Variants in SANBR observed in about 807,000 individuals in gnomAD.
The protein encoded by SANBR is SANT and BTB domain regulator of class switch recombination.
In SANBR, 77 loss-of-function variants were observed where a neutral mutation model predicts 101.8. That is an observed-to-expected ratio of 0.76 (90% CI 0.63 to 0.91). The LOEUF (loss-of-function observed/expected upper bound fraction) is 0.91, where lower values mean the gene tolerates loss of function less well. Ranked by LOEUF, SANBR falls within the 40% of genes least tolerant of loss-of-function variation. The pLI, the probability that SANBR is intolerant of heterozygous loss-of-function variation, is 0.00. For synonymous variants in SANBR, 279 were observed against 274.7 expected (o/e 1.02, Z -0.15); for missense variants, 875 against 853.0 (o/e 1.03, Z -0.32).
intron 8 of SANBR, among the ~76,000 whole-genome samples, chr2:61,086,530 G>A (rs1682439692): frequency 6.6e-6 from 1 of 152,122 alleles, no homozygotes; most frequent in Non-Finnish European, 1.5e-5. Flanking sequence ...AGGAGCCAGT[G>A]AAGTAGAAAG....
At chr2:61,077,576 C>T (rs1681860677) in intron 6 of SANBR, among the ~76,000 whole-genome samples, 1 of 149,054 alleles carries the variant, frequency 6.7e-6, no homozygotes, top group African/African-American at 2.5e-5. Flanking sequence ...TACATAGTTA[C>T]ATAGTTAATA....
At chr2:61,117,410 C>A (rs764300866) in intron 18 of SANBR, 25 bp downstream of exon 18, 1 of 1,612,822 alleles carries the variant, frequency 6.2e-7, no homozygotes, top group Admixed American at 1.7e-5. Flanking sequence ...TTAATCCAAT[C>A]GGATATCCAC....
intron 6 of SANBR, among the ~76,000 whole-genome samples, chr2:61,078,349 A>G (rs1457943932): frequency 6.6e-6 from 1 of 152,190 alleles, no homozygotes; most frequent in Non-Finnish European, 1.5e-5. Flanking sequence ...GCAGAAACAG[A>G]TATGGGAATC....
chr2:61,116,096 A>G (rs1468995632), intron 17 of SANBR, 26 bp downstream of exon 17: 1 of 1,469,988 alleles, frequency 6.8e-7, no homozygotes, highest in Non-Finnish European at 9.4e-7. Context: ...CTGTTGTTAA[A>G]GTTCATATGG....
intron 8 of SANBR, among the ~76,000 whole-genome samples, chr2:61,085,472 ATTTC>A (rs891079017): frequency 2.6e-5 from 4 of 151,026 alleles, no homozygotes; most frequent in Admixed American, 1.3e-4. Context: ...TGTTCTGTTG[ATTTC>A]TTTGTCTATC....
chr2:61,073,044 G>C (rs1030491649), intron 4 of SANBR, among the ~76,000 whole-genome samples: 1 of 151,636 alleles, frequency 6.6e-6, no homozygotes, highest in African/African-American at 2.4e-5. Flanking sequence ...ACAGTAGTGG[G>C]GTAAAAGATG....
intron 13 of SANBR, among the ~76,000 whole-genome samples, chr2:61,105,844 TG>T (rs2104936356): frequency 6.6e-6 from 1 of 151,814 alleles, no homozygotes; most frequent in East Asian, 2.0e-4. Context: ...GCTAATTTTT[TG>T]TATTTTAGTA....
chr2:61,113,968 A>G (rs1006616206), intron 16 of SANBR, among the ~76,000 whole-genome samples: 2 of 152,150 alleles, frequency 1.3e-5, no homozygotes, highest in South Asian at 4.1e-4. Flanking sequence ...ATTTTATCAC[A>G]TGCTTTTTCT....
intron 3 of SANBR, among the ~76,000 whole-genome samples, 176 bp from the exon 4 acceptor site, chr2:61,071,430 A>G (rs531760153): frequency 4.3e-4 from 66 of 151,986 alleles, no homozygotes; most frequent in South Asian, 2.3e-3. Flanking sequence ...GGCACCTGTA[A>G]TCCCAGCTAC....
chr2:61,129,571 GA>G (rs1222591055), intron 20 of SANBR, among the ~76,000 whole-genome samples: 1 of 152,040 alleles, frequency 6.6e-6, no homozygotes, highest in Admixed American at 6.6e-5. Flanking sequence ...AAAAGCAATT[GA>G]ATATGTATAT....
chr2:61,101,910 C>T (rs1159776929), intron 12 of SANBR, among the ~76,000 whole-genome samples: 1 of 151,548 alleles, frequency 6.6e-6, no homozygotes, highest in Non-Finnish European at 1.5e-5. Context: ...TGGTGGTGGG[C>T]GCCTGTAATC....
At chr2:61,112,879 T>G (rs960363907) in intron 16 of SANBR, among the ~76,000 whole-genome samples, 2 of 152,246 alleles carry the variant, frequency 1.3e-5, no homozygotes, top group African/African-American at 2.4e-5. Context: ...TATGTTCCAT[T>G]ATTTAATAGC....
intron 10 of SANBR, chr2:61,088,899 T>G (rs778394228): frequency 5.5e-6 from 5 of 907,030 alleles, no homozygotes; most frequent in Non-Finnish European, 6.6e-6. Context: ...ACATCTTTTC[T>G]GCATGTTATC....
chr2:61,092,395 ATAAT>A (rs1342457926), intron 10 of SANBR, 65 bp from the exon 11 acceptor site: 22 of 1,209,674 alleles, frequency 1.8e-5, no homozygotes, highest in African/African-American at 1.1e-4. Context: ...AAAGAAGATA[ATAAT>A]TAAATAAATA....
intron 20 of SANBR, among the ~76,000 whole-genome samples, chr2:61,118,750 CG>C (rs1327217729): frequency 6.7e-6 from 1 of 149,028 alleles, no homozygotes; most frequent in Non-Finnish European, 1.5e-5. Flanking sequence ...TTAGTAGAGA[CG>C]GGGTTTCACC....
intron 8 of SANBR, among the ~76,000 whole-genome samples, chr2:61,083,640 C>A (rs888406449): frequency 6.6e-6 from 1 of 151,920 alleles, no homozygotes; most frequent in Admixed American, 6.6e-5. Flanking sequence ...GAGGCCGAGG[C>A]GGGCAGATCA....
intron 13 of SANBR, 98 bp from the exon 14 acceptor site, chr2:61,106,465 A>G: frequency 1.2e-6 from 1 of 802,862 alleles, no homozygotes. Context: ...CTGTATTTCT[A>G]AAAAGCGATT....
At chr2:61,083,427 C>T in intron 8 of SANBR, 113 bp downstream of exon 8, 2 of 770,766 alleles carry the variant, frequency 2.6e-6, no homozygotes, top group Non-Finnish European at 2.1e-6. Context: ...GAAAGGTTCT[C>T]ACTCTGTTGT....
intron 4 of SANBR, among the ~76,000 whole-genome samples, chr2:61,073,132 C>T (rs966358376): frequency 4.6e-5 from 7 of 151,972 alleles, no homozygotes; most frequent in East Asian, 3.9e-4. Context: ...ATCTCAGCAG[C>T]GGCAGAGTAT....
Sources: allele counts gnomAD v4.1 joint callset (sites outside exome capture counted in the v4.1 genomes callset), GRCh38; gene constraint gnomAD v4.1.1; transcripts MANE v1.5; gene names NCBI Gene and HGNC (gene_info 2026-07-23, HGNC 2026-07-21).